PDSS2: variants seen among roughly 807,000 people sequenced by gnomAD.
PDSS2 encodes all trans-polyprenyl-diphosphate synthase PDSS2.
PDSS2 carries 31 observed loss-of-function variants against 44.5 expected under a neutral mutation model. The observed-to-expected ratio is 0.70, with a 90% CI of 0.52 to 0.94. The LOEUF is 0.94. Among genes scored for constraint, PDSS2 ranks in the 40% least tolerant of loss-of-function variants. The probability of loss-of-function intolerance (pLI) is 0.00; values close to 1 mark genes in which losing one functional copy is unlikely to be tolerated. For missense variants in PDSS2, 452 were observed against 482.2 expected, an observed-to-expected ratio of 0.94 and a Z score of 0.59; for synonymous variants, 157 against 180.3, an observed-to-expected ratio of 0.87 and a Z score of 1.03.
Position 107,410,925 on chromosome 6 carries a change from C to T in PDSS2, c.296+48065G>A, listed in dbSNP as rs151139126. 4.8e-4 allele frequency among the ~76,000 whole-genome samples: 73 copies of T among 151,984 alleles called. No individual in the cohort carries two copies. In the East Asian group the frequency reaches 7.7e-3, roughly 16 times the overall value. On this transcript the variant is annotated intron_variant, in intron 1 of 7. Transcript: ENST00000369037. ...TTTTTTGAGACAGAGTCTTATGCCG[C>T]CCAGGCTGGAGTGCAGTGGCATGAT... is the stretch of plus-strand genomic sequence containing the variant.
At chr6:107,255,930 T>C (rs980809735) in intron 3 of PDSS2, among the ~76,000 whole-genome samples, 4 of 152,190 alleles carry the variant, frequency 2.6e-5, no homozygotes, top group Admixed American at 6.5e-5. Context: ...GAGTATATTC[T>C]ATTAGGGTGC....
chr6:107,205,881 T>C (rs1171791556), intron 6 of PDSS2, among the ~76,000 whole-genome samples: 1 of 152,182 alleles, frequency 6.6e-6, no homozygotes, highest in East Asian at 1.9e-4. Flanking sequence ...ATCGAGAGTA[T>C]GTCACCTCCT....
At chr6:107,245,232 G>A (rs1020622001) in intron 4 of PDSS2, among the ~76,000 whole-genome samples, 1 of 151,956 alleles carries the variant, frequency 6.6e-6, no homozygotes. Flanking sequence ...GCCTCAGCAC[G>A]AGCTGCTCCT....
Position 107,154,716 on chromosome 6 carries a change from T to C in PDSS2, c.1103A>G (p.His368Arg). 3 of 1,614,108 alleles carry C rather than the reference T, an allele frequency of 1.9e-6. No homozygotes were observed. The highest frequency in any genetic ancestry group is 8.5e-7 in the Non-Finnish European group (1 of 1,179,972). ...VTSAIDLCRY[H>R]GNKALEALES... ...CAGGGCCTCCAGTGCCTTGTTTCCA[T>C]GGTAACGACACAGGTCAATAGCTGA... Residue 368 changes from histidine (H) to arginine (R), a missense_variant, in exon 8 of 8, where the codon CAT becomes CGT. Physicochemically the swap from His to Arg is conservative, Grantham distance 29 (BLOSUM62 0). Transcript: ENST00000369037.
intron 7 of PDSS2, among the ~76,000 whole-genome samples, chr6:107,174,757 CAA>C (rs201465139): frequency 6.6e-6 from 1 of 151,978 alleles, no homozygotes; most frequent in East Asian, 1.9e-4. Flanking sequence ...TAGAAAGAGA[CAA>C]AGAGAATTTT....
chr6:107,423,767 T>C (rs1177156263), intron 1 of PDSS2, among the ~76,000 whole-genome samples: 1 of 152,220 alleles, frequency 6.6e-6, no homozygotes, highest in African/African-American at 2.4e-5. Context: ...GATTAACTGC[T>C]GATTTTGACT....
chr6:107,407,909 C>T (rs1459307597), intron 1 of PDSS2, among the ~76,000 whole-genome samples: 2 of 152,036 alleles, frequency 1.3e-5, no homozygotes, highest in Non-Finnish European at 2.9e-5. Flanking sequence ...CCATGTTGGC[C>T]AGGCTGATTT....
chr6:107,347,262 T>A (rs796251977), intron 1 of PDSS2, among the ~76,000 whole-genome samples: 1 of 140,386 alleles, frequency 7.1e-6, no homozygotes, highest in Non-Finnish European at 1.5e-5. Flanking sequence ...TCTTCTTTTT[T>A]TTTTTTTTTT....
Position 107,282,294 on chromosome 6 carries a change from A to T in PDSS2, c.432-8067T>A, listed in dbSNP as rs573661504. Among the ~76,000 whole-genome samples the T allele has an allele frequency of 3.9e-5, 6 of 152,368 alleles. No individual in the cohort carries two copies. In the East Asian group the frequency reaches 7.7e-4, roughly 20 times the overall value. ...ACATAAACTAAAAAGTAGGGTTTAT[A>T]GAATCAGAGTTGGAAGTGACCCCAG... On this transcript the variant is annotated intron_variant, in intron 2 of 7. Transcript: ENST00000369037.
At chr6:107,230,702 C>T (rs1220437421) in intron 4 of PDSS2, among the ~76,000 whole-genome samples, 1 of 151,546 alleles carries the variant, frequency 6.6e-6, no homozygotes, top group Non-Finnish European at 1.5e-5. Flanking sequence ...ATGAGAAAAA[C>T]ATGCCCAAGA....
At chr6:107,177,679 C>T (rs969152522) in intron 7 of PDSS2, among the ~76,000 whole-genome samples, 3 of 152,142 alleles carry the variant, frequency 2.0e-5, no homozygotes, top group African/African-American at 7.2e-5. Context: ...TAATTCTACA[C>T]ATTGAAATTC....
chr6:107,182,988 A>C (rs1772037246), intron 7 of PDSS2, among the ~76,000 whole-genome samples: 1 of 152,120 alleles, frequency 6.6e-6, no homozygotes, highest in African/African-American at 2.4e-5. Context: ...AGGTAGGAGG[A>C]TCACTTGACC....
chr6:107,174,129 A>G (rs1413371867), intron 7 of PDSS2, among the ~76,000 whole-genome samples: 3 of 152,180 alleles, frequency 2.0e-5, no homozygotes, highest in Non-Finnish European at 2.9e-5. Flanking sequence ...CACTGGCATG[A>G]TAGATTGGGT....
intron 2 of PDSS2, among the ~76,000 whole-genome samples, chr6:107,305,989 C>T (rs1384493326): frequency 6.6e-6 from 1 of 152,080 alleles, no homozygotes; most frequent in African/African-American, 2.4e-5. Context: ...ATTTTACAGT[C>T]GTAGAAATCA....
At chr6:107,365,929 A>G (rs1407859899) in intron 1 of PDSS2, among the ~76,000 whole-genome samples, 1 of 152,202 alleles carries the variant, frequency 6.6e-6, no homozygotes, top group Non-Finnish European at 1.5e-5. Context: ...GAAACAGGCA[A>G]TTCAGGAAAA....
At chr6:107,364,946 G>A (rs1266817554) in intron 1 of PDSS2, among the ~76,000 whole-genome samples, 1 of 152,226 alleles carries the variant, frequency 6.6e-6, no homozygotes, top group African/African-American at 2.4e-5. Context: ...AGTCCTGGGG[G>A]AGGCGGGGAA....
intron 7 of PDSS2, among the ~76,000 whole-genome samples, chr6:107,178,001 C>T (rs1771853457): frequency 6.6e-6 from 1 of 152,146 alleles, no homozygotes; most frequent in African/African-American, 2.4e-5. Context: ...GAATCCCTAT[C>T]TTACTTATAC....
At chr6:107,371,185 TA>T (rs35313213) in intron 1 of PDSS2, among the ~76,000 whole-genome samples, 71,155 of 148,720 alleles carry the variant, frequency 0.48, 18,013 homozygotes, top group East Asian at 0.89. Flanking sequence ...TGTCTCAAAG[TA>T]AAAAAAAAAA....
intron 3 of PDSS2, among the ~76,000 whole-genome samples, chr6:107,272,049 C>T (rs1361231721): frequency 6.7e-6 from 1 of 149,364 alleles, no homozygotes; most frequent in African/African-American, 2.5e-5. Flanking sequence ...AGAGTAAGAC[C>T]CTGTCTCAAA....
Sources: allele counts gnomAD v4.1 joint callset (sites outside exome capture counted in the v4.1 genomes callset), GRCh38; gene constraint gnomAD v4.1.1; transcripts MANE v1.5; gene names NCBI Gene and HGNC (gene_info 2026-07-23, HGNC 2026-07-21).